XIRP2: variants seen among roughly 807,000 people sequenced by gnomAD.
XIRP2 encodes the protein xin actin-binding repeat-containing protein 2.
XIRP2 carries 236 observed loss-of-function variants against 277.0 expected under a neutral mutation model. The observed-to-expected ratio is 0.85, with a 90% CI of 0.77 to 0.95. The LOEUF (loss-of-function observed/expected upper bound fraction) is 0.95, where lower values mean the gene tolerates loss of function less well. XIRP2 is among the 40% of genes least tolerant of loss of function. XIRP2 has a pLI of 0.00. For synonymous variants in XIRP2, 1,490 were observed against 1,416.5 expected, an observed-to-expected ratio of 1.05 and a Z score of -1.17; for missense variants, 4,640 against 4,157.5, an observed-to-expected ratio of 1.12 and a Z score of -3.19.
intron 2 of XIRP2, among the ~76,000 whole-genome samples, chr2:166,949,446 G>A (rs1303077315): frequency 6.6e-6 from 1 of 152,044 alleles, no homozygotes; most frequent in Non-Finnish European, 1.5e-5. Context: ...GATAATTCGA[G>A]GTTGACTTCA....
chr2:167,222,225 T>C (rs1296093385), intron 5 of XIRP2, among the ~76,000 whole-genome samples: 1 of 152,202 alleles, frequency 6.6e-6, no homozygotes, highest in Non-Finnish European at 1.5e-5. Context: ...TGATGTCCCA[T>C]GTATGTATTC....
intron 1 of XIRP2, among the ~76,000 whole-genome samples, chr2:166,892,979 T>TACACAC (rs572313151): frequency 0.027 from 3,990 of 145,818 alleles, 69 homozygotes; most frequent in Non-Finnish European, 0.039. Context: ...TATATATGTA[T>TACACAC]ATACACACAC....
At chr2:167,174,150 C>G (rs1021231818) in intron 3 of XIRP2, among the ~76,000 whole-genome samples, 1 of 152,096 alleles carries the variant, frequency 6.6e-6, no homozygotes, top group Non-Finnish European at 1.5e-5. Context: ...GGGAGGAGTC[C>G]CTCTTTTTCT....
intron 2 of XIRP2, among the ~76,000 whole-genome samples, chr2:167,109,940 T>C (rs911585490): frequency 1.3e-5 from 2 of 152,212 alleles, no homozygotes; most frequent in African/African-American, 4.8e-5. Flanking sequence ...TTGAGCTTTT[T>C]TTCATGTGCT....
intron 4 of XIRP2, among the ~76,000 whole-genome samples, chr2:167,213,307 A>G (rs1292789425): frequency 6.6e-6 from 1 of 152,214 alleles, no homozygotes; most frequent in Admixed American, 6.5e-5. Flanking sequence ...TTCTATGCCC[A>G]GTTTATAAGA....
intron 2 of XIRP2, among the ~76,000 whole-genome samples, chr2:166,967,584 G>A (rs943397942): frequency 1.3e-5 from 2 of 151,830 alleles, no homozygotes; most frequent in African/African-American, 4.8e-5. Flanking sequence ...ATGGCAAAGC[G>A]AGACCTACCT....
intron 1 of XIRP2, among the ~76,000 whole-genome samples, chr2:166,897,997 C>T (rs571360171): frequency 6.6e-6 from 1 of 152,214 alleles, no homozygotes; most frequent in South Asian, 2.1e-4. Context: ...CTATGTGACC[C>T]TCCAGACCAC....
At chr2:166,973,508 A>G (rs1425061381) in intron 2 of XIRP2, among the ~76,000 whole-genome samples, 2 of 152,216 alleles carry the variant, frequency 1.3e-5, no homozygotes, top group African/African-American at 4.8e-5. Flanking sequence ...AAAGCTGCAC[A>G]GCTACAGAGT....
chr2:167,066,057 G>A (rs972178822), intron 2 of XIRP2, among the ~76,000 whole-genome samples: 27 of 151,556 alleles, frequency 1.8e-4, no homozygotes, highest in African/African-American at 6.5e-4. Flanking sequence ...AGTGTTAGGG[G>A]GTGTGTATGT....
chr2:167,227,162 A>G (rs1028675216), intron 5 of XIRP2, among the ~76,000 whole-genome samples: 11 of 152,136 alleles, frequency 7.2e-5, no homozygotes, highest in African/African-American at 2.7e-4. Flanking sequence ...CATTCTGTTC[A>G]CACTCTGATA....
chr2:166,963,187 AAAAC>A (rs1254061157), intron 2 of XIRP2, among the ~76,000 whole-genome samples: 3 of 151,884 alleles, frequency 2.0e-5, no homozygotes, highest in Non-Finnish European at 4.4e-5. Context: ...TAAAAATAAA[AAAAC>A]AAAAATCATC....
intron 2 of XIRP2, among the ~76,000 whole-genome samples, chr2:167,026,731 T>C (rs547935690): frequency 1.3e-5 from 2 of 152,250 alleles, no homozygotes; most frequent in African/African-American, 4.8e-5. Context: ...TTTGGGTGGA[T>C]ATTAAATTCT....
chr2:166,963,816 A>T (rs1270667478), intron 2 of XIRP2, among the ~76,000 whole-genome samples: 1 of 151,814 alleles, frequency 6.6e-6, no homozygotes, highest in Non-Finnish European at 1.5e-5. Context: ...AATTTGTTAT[A>T]TTATTTTTAA....
At chr2:167,257,304 A>G (rs138836579) in intron 10 of XIRP2, among the ~76,000 whole-genome samples, 3 of 151,986 alleles carry the variant, frequency 2.0e-5, no homozygotes, top group East Asian at 1.9e-4. Context: ...AAGTTTTGCT[A>G]TCTTGTTGAT....
chr2:167,063,858 T>C (rs116748735), intron 2 of XIRP2, among the ~76,000 whole-genome samples: 4,896 of 151,708 alleles, frequency 0.032, 157 homozygotes, highest in African/African-American at 0.081. Flanking sequence ...AAACAATATA[T>C]AGTTGGGTTT....
chr2:166,969,765 A>AT lies in XIRP2; in HGVS notation c.408+65875_408+65876insT, dbSNP rs552454720. ...TTTCCTTTGGGAGGAAAAAAAAAAAAGTATAAACTGATGCCAGAAAGCAAA... is the reference window on the plus strand; with the variant it reads ...TTTCCTTTGGGAGGAAAAAAAAAAAATGTATAAACTGATGCCAGAAAGCAAA... On this transcript the variant is annotated intron_variant, in intron 2 of 10. Coordinates refer to ENST00000409195, the MANE Select transcript of XIRP2 (RefSeq NM_152381.6). Among the ~76,000 whole-genome samples the AT allele has an allele frequency of 6.3e-3, 961 of 151,968 alleles. 13 individuals carry two copies. The highest frequency in any genetic ancestry group is 0.022 in the African/African-American group (912 of 41,482).
intron 2 of XIRP2, among the ~76,000 whole-genome samples, chr2:167,036,033 C>A (rs760294384): frequency 2.0e-5 from 3 of 152,202 alleles, no homozygotes; most frequent in Non-Finnish European, 4.4e-5. Context: ...GTTTTGGCAA[C>A]CTCTGCCTAG....
At position 167,047,376 on chromosome 2, in the gene XIRP2, A is replaced by G. The variant is rs139432723; in HGVS notation, c.409-88533A>G. 6.1e-3 allele frequency among the ~76,000 whole-genome samples: 925 copies of G among 152,042 alleles called. 6 individuals carry two copies. Among genetic ancestry groups the G allele is most frequent in the Middle Eastern group, 0.01 (3 of 294 alleles). ...AGGCATAAGTAGCTTCACCGAGATA[A>G]CATTACACAAGATTTCTGTGGGAAA... On this transcript the variant is annotated intron_variant, in intron 2 of 10. Coordinates refer to ENST00000409195, the MANE Select transcript of XIRP2 (RefSeq NM_152381.6).
chr2:167,185,252 T>G (rs1693122604), intron 3 of XIRP2, among the ~76,000 whole-genome samples: 1 of 152,130 alleles, frequency 6.6e-6, no homozygotes, highest in Non-Finnish European at 1.5e-5. Context: ...TTAACATTTA[T>G]TGCTCTTAAT....
Sources: gnomAD v4.1 joint callset for allele counts (sites outside exome capture counted in the v4.1 genomes callset) on GRCh38, gnomAD v4.1.1 for gene constraint, MANE v1.5 for transcripts, NCBI Gene and HGNC (gene_info 2026-07-23, HGNC 2026-07-21) for gene names.